The following MMP16 variants were observed in gnomAD, a reference collection of about 807,000 sequenced individuals.
The protein encoded by MMP16 is matrix metallopeptidase 16.
Under a neutral mutation model 67.8 loss-of-function variants are expected in MMP16, and 12 were observed. The observed-to-expected ratio is 0.18, with a 90% CI of 0.11 to 0.29. The LOEUF (loss-of-function observed/expected upper bound fraction) is 0.29, where lower values mean the gene tolerates loss of function less well. Among genes scored for constraint, MMP16 ranks in the 10% least tolerant of loss-of-function variants. The pLI, the probability that MMP16 is intolerant of heterozygous loss-of-function variation, is 1.00. For missense variants in MMP16, 475 were observed against 765.7 expected, an observed-to-expected ratio of 0.62 and a Z score of 4.48; for synonymous variants, 249 against 255.9, an observed-to-expected ratio of 0.97 and a Z score of 0.26.
intron 1 of MMP16, among the ~76,000 whole-genome samples, chr8:88,257,887 G>A (rs944168821): frequency 6.6e-6 from 1 of 152,068 alleles, no homozygotes; most frequent in East Asian, 1.9e-4. Flanking sequence ...GCAATAGTAA[G>A]GTCAGTTGGT....
chr8:88,312,052 G>A (rs1811303396), intron 1 of MMP16, among the ~76,000 whole-genome samples: 1 of 152,214 alleles, frequency 6.6e-6, no homozygotes, highest in Non-Finnish European at 1.5e-5. Context: ...TACCAGCACA[G>A]TGGTGGGAAG....
rs534030718 is a variant in MMP16 at position 88,167,604 on chromosome 8, A to G, written c.709+65T>C. Reference sequence around the variant, plus strand: ...CTATACCTTAAGTTTGTAAATTGTTAAATCTCTTGGTTATTCTGAAATAAT... The same window carrying G: ...CTATACCTTAAGTTTGTAAATTGTTGAATCTCTTGGTTATTCTGAAATAAT... On this transcript the variant is annotated intron_variant, in intron 4 of 9. Transcript: ENST00000286614. The G allele has an allele frequency of 2.1e-6, 3 of 1,442,654 alleles. No individual in the cohort carries two copies. In the African/African-American group the frequency reaches 4.3e-5, roughly 21 times the overall value. 89.4% of individuals were successfully genotyped at this position (1,442,654 alleles called of 1,614,324 possible).
intron 3 of MMP16, among the ~76,000 whole-genome samples, chr8:88,182,061 A>G (rs1586192801): frequency 6.6e-6 from 1 of 152,252 alleles, no homozygotes; most frequent in East Asian, 1.9e-4. Context: ...TCTAGAATAC[A>G]ACATAAGAGA....
intron 2 of MMP16, among the ~76,000 whole-genome samples, chr8:88,189,934 A>G (rs911105482): frequency 6.6e-6 from 1 of 152,192 alleles, no homozygotes; most frequent in Non-Finnish European, 1.5e-5. Flanking sequence ...GAAGTCGCCA[A>G]TAAGGAACAT....
intron 8 of MMP16, among the ~76,000 whole-genome samples, chr8:88,051,358 G>A (rs574309918): frequency 6.6e-6 from 1 of 152,258 alleles, no homozygotes; most frequent in South Asian, 2.1e-4. Flanking sequence ...GGTTTAAAAT[G>A]TAGATATTTT....
At chr8:88,183,245 T>C (rs572247953) in intron 3 of MMP16, among the ~76,000 whole-genome samples, 1 of 152,310 alleles carries the variant, frequency 6.6e-6, no homozygotes, top group South Asian at 2.1e-4. Context: ...TTTTAACTAA[T>C]CTACTATGCT....
intron 1 of MMP16, among the ~76,000 whole-genome samples, chr8:88,278,398 A>G (rs1399697104): frequency 6.6e-6 from 1 of 152,172 alleles, no homozygotes; most frequent in Non-Finnish European, 1.5e-5. Context: ...CCGGTGCTGC[A>G]ATATTTTCAT....
rs115566933 is a variant in MMP16 at position 88,313,038 on chromosome 8, C to T, written c.132+14037G>A. On this transcript the variant is annotated intron_variant, in intron 1 of 9. Coordinates refer to ENST00000286614, the MANE Select transcript of MMP16 (RefSeq NM_005941.5). ...ATAATTTTATTTAAAATAAATCACA[C>T]AGTATGTGCTCTTTTTAATGGGCTT... Among the ~76,000 whole-genome samples, 951 of 152,292 alleles carry T rather than the reference C, an allele frequency of 6.2e-3. 6 individuals are homozygous for T. Among genetic ancestry groups the T allele is most frequent in the African/African-American group, 0.022 (903 of 41,558 alleles).
At chr8:88,114,812 C>A (rs1311163743) in intron 6 of MMP16, among the ~76,000 whole-genome samples, 1 of 151,932 alleles carries the variant, frequency 6.6e-6, no homozygotes, top group Non-Finnish European at 1.5e-5. Context: ...TTTAAGGAAG[C>A]AGGCCTTAGT....
At chr8:88,180,895 T>A (rs1300735024) in intron 3 of MMP16, among the ~76,000 whole-genome samples, 2 of 152,196 alleles carry the variant, frequency 1.3e-5, no homozygotes, top group African/African-American at 4.8e-5. Flanking sequence ...TTTGAAAATC[T>A]ATTAATGTAA....
At position 88,041,459 on chromosome 8, in the gene MMP16, C is replaced by T. The variant is rs1219638388; in HGVS notation, c.*2G>A. 1.9e-6 allele frequency: 3 copies of T among 1,604,310 alleles called. No individual in the cohort carries two copies. Among genetic ancestry groups the T allele is most frequent in the Non-Finnish European group, 2.6e-6 (3 of 1,172,986 alleles). On this transcript the variant is annotated 3_prime_UTR_variant, in exon 10 of 10. Coordinates refer to ENST00000286614, the MANE Select transcript of MMP16 (RefSeq NM_005941.5). This position sits in a 1 kb window ranked among gnomAD's most constrained non-coding sequence, Gnocchi z 6.0. Reference sequence around the variant, plus strand: ...AAGAAAGAAAGAAGAAAAAACCCTACATCACACCCACTCTTGCATAGAGCG... The same window carrying T: ...AAGAAAGAAAGAAGAAAAAACCCTATATCACACCCACTCTTGCATAGAGCG...
intron 1 of MMP16, among the ~76,000 whole-genome samples, chr8:88,222,961 A>T (rs1360418641): frequency 6.6e-6 from 1 of 152,222 alleles, no homozygotes; most frequent in African/African-American, 2.4e-5. Flanking sequence ...CAAAGGGCTA[A>T]TATGCAGAAT....
chr8:88,246,514 G>C (rs1439151002), intron 1 of MMP16, among the ~76,000 whole-genome samples: 1 of 152,110 alleles, frequency 6.6e-6, no homozygotes, highest in Non-Finnish European at 1.5e-5. Flanking sequence ...TCAGTTTAGT[G>C]GGATATCATC....
chr8:88,255,760 G>A (rs1404844536), intron 1 of MMP16, among the ~76,000 whole-genome samples: 2 of 152,162 alleles, frequency 1.3e-5, no homozygotes, highest in South Asian at 2.1e-4. Context: ...TTATATAGGT[G>A]CATGAAACAT....
At chr8:88,315,103 T>C (rs546822429) in intron 1 of MMP16, among the ~76,000 whole-genome samples, 3 of 152,310 alleles carry the variant, frequency 2.0e-5, no homozygotes, top group South Asian at 4.1e-4. Context: ...ATTTTGTCCA[T>C]TTTTTGGGAT....
At position 88,294,565 on chromosome 8, in the gene MMP16, C is replaced by A. The variant is rs184523352; in HGVS notation, c.132+32510G>T. ...ATATATGTATATATGTCTCTATACA[C>A]ACATATGTATATATGTCTCTATACA... On this transcript the variant is annotated intron_variant, in intron 1 of 9. Coordinates refer to ENST00000286614, the MANE Select transcript of MMP16 (RefSeq NM_005941.5). 5.4e-3 allele frequency among the ~76,000 whole-genome samples: 819 copies of A among 151,446 alleles called. 8 individuals carry two copies. Among genetic ancestry groups the A allele is most frequent in the African/African-American group, 0.019 (776 of 41,302 alleles).
chr8:88,265,393 G>A (rs1483353688), intron 1 of MMP16, among the ~76,000 whole-genome samples: 1 of 151,964 alleles, frequency 6.6e-6, no homozygotes, highest in Non-Finnish European at 1.5e-5. Flanking sequence ...GCTAAAAGCT[G>A]CATGAAGCAC....
rs530410661 is a variant in MMP16, at chr8:88,197,386, A to G, written c.133-80T>C. The G allele has an allele frequency of 4.0e-6, 5 of 1,255,648 alleles. No homozygotes were observed. In the South Asian group the frequency reaches 6.0e-5, roughly 15 times the overall value. The allele number at this position is 1,255,648 out of a possible 1,614,324, so 77.8% of individuals were successfully genotyped here. ...TTCTGGTAATTAATGTATATCTATAATAGAGTTTTGAACATTTTCTCCACA... is the reference window on the plus strand; with the variant it reads ...TTCTGGTAATTAATGTATATCTATAGTAGAGTTTTGAACATTTTCTCCACA... On this transcript the variant is annotated intron_variant, in intron 1 of 9. Coordinates refer to ENST00000286614, the MANE Select transcript of MMP16 (RefSeq NM_005941.5).
chr8:88,153,959 C>T (rs999271701), intron 4 of MMP16, among the ~76,000 whole-genome samples: 1 of 150,502 alleles, frequency 6.6e-6, no homozygotes, highest in African/African-American at 2.4e-5. Context: ...ATTTTCACAA[C>T]CTACTCATCT....
Sources: allele counts gnomAD v4.1 joint callset (sites outside exome capture counted in the v4.1 genomes callset), GRCh38; gene constraint gnomAD v4.1.1; non-coding constraint Gnocchi (gnomAD v3.1); transcripts MANE v1.5; gene names NCBI Gene and HGNC (gene_info 2026-07-23, HGNC 2026-07-21).